The following FKBP5 variants were observed in gnomAD, a reference collection of about 807,000 sequenced individuals.
FKBP5 encodes peptidyl-prolyl cis-trans isomerase FKBP5.
In FKBP5, 23 loss-of-function variants were observed where a neutral mutation model predicts 50.5. The ratio of observed to expected loss-of-function variants is 0.46; its 90% CI spans 0.33 to 0.65. The LOEUF (loss-of-function observed/expected upper bound fraction) is 0.65, where lower values mean the gene tolerates loss of function less well. Ranked by LOEUF, FKBP5 falls within the 30% of genes least tolerant of loss-of-function variation. The pLI is 0.02. For synonymous variants in FKBP5, 176 were observed against 190.6 expected (o/e 0.92, Z 0.63); for missense variants, 411 against 553.1 (o/e 0.74, Z 2.58).
At chr6:35,670,918 TA>T (rs1304893299) in intron 1 of FKBP5, among the ~76,000 whole-genome samples, 1 of 152,126 alleles carries the variant, frequency 6.6e-6, no homozygotes, top group Admixed American at 6.6e-5. Context: ...ATATCTCATA[TA>T]TGGTAATACC....
chr6:35,605,383 C>CTTT (rs1158530509), intron 5 of FKBP5, among the ~76,000 whole-genome samples: 2,034 of 52,304 alleles, frequency 0.039, 477 homozygotes, highest in African/African-American at 0.051. Context: ...ATGACAATAT[C>CTTT]TTTTTTTTTT....
intron 3 of FKBP5, among the ~76,000 whole-genome samples, chr6:35,620,882 TATC>T (rs1323362397): frequency 6.6e-6 from 1 of 152,190 alleles, no homozygotes; most frequent in Non-Finnish European, 1.5e-5. Context: ...TTGCCTAATT[TATC>T]ATTTCAACTA....
Position 35,575,895 on chromosome 6 carries a change from A to C in FKBP5, c.1314T>G (p.Thr438=), listed in dbSNP as rs1297503008. The change falls in exon 11 of 11, where the codon ACT becomes ACG. Residue 438 remains threonine, a synonymous_variant. Coordinates refer to ENST00000357266, the MANE Select transcript of FKBP5 (RefSeq NM_004117.4). The part of the protein sequence containing the change: ...AMGKKTSEGV[T]NEKGTDSQAM... ...CTTGACTGTCTGTTCCTTTTTCATT[A>C]GTGACCCCTTCTGAAGTCTTCTTGC... 3 of 1,613,878 alleles carry C rather than the reference A, an allele frequency of 1.9e-6. No homozygotes were observed. In the African/African-American group the frequency reaches 4.0e-5, roughly 22 times the overall value.
At chr6:35,631,797 AT>A (rs1764165793) in intron 3 of FKBP5, among the ~76,000 whole-genome samples, 1 of 152,004 alleles carries the variant, frequency 6.6e-6, no homozygotes. Context: ...TCTACTAAAA[AT>A]ACAAAAATTA....
chr6:35,667,492 A>T (rs1233960765), intron 1 of FKBP5, among the ~76,000 whole-genome samples: 3 of 152,244 alleles, frequency 2.0e-5, no homozygotes, highest in Non-Finnish European at 2.9e-5. Context: ...AAAATGATTA[A>T]CCCGTTTCCT....
chr6:35,725,579 C>T (rs1340465606), intron 1 of FKBP5, among the ~76,000 whole-genome samples: 1 of 152,118 alleles, frequency 6.6e-6, no homozygotes, highest in African/African-American at 2.4e-5. Context: ...CTTCCCACCC[C>T]CAGCAAGAGT....
At chr6:35,711,295 C>T (rs926761729) in intron 2 of FKBP5, among the ~76,000 whole-genome samples, 5 of 142,376 alleles carry the variant, frequency 3.5e-5, no homozygotes, top group African/African-American at 1.1e-4. Context: ...CCAGCCTGGG[C>T]GACAAAGTCC....
At position 35,575,797 on chromosome 6, in the gene FKBP5, G is replaced by T; in HGVS notation, c.*38C>A. The T allele has an allele frequency of 7.6e-7, 1 of 1,323,364 alleles. No homozygotes were observed. Among genetic ancestry groups the T allele is most frequent in the South Asian group, 1.2e-5 (1 of 85,158 alleles). The allele number at this position is 1,323,364 out of a possible 1,614,324, so 82.0% of individuals were successfully genotyped here. ...TTGGGGGAAAGCCCATTGAGGAGGG[G>T]CCGAGTTCACTGGGACTCTTCCCTC... On this transcript the variant is annotated 3_prime_UTR_variant, in exon 11 of 11. Transcript: ENST00000357266.
At chr6:35,703,214 C>T (rs577758492) in intron 2 of FKBP5, among the ~76,000 whole-genome samples, 1 of 151,830 alleles carries the variant, frequency 6.6e-6, no homozygotes, top group South Asian at 2.1e-4. Flanking sequence ...CATGCCACTG[C>T]ACTCCAGCCT....
intron 2 of FKBP5, among the ~76,000 whole-genome samples, chr6:35,714,411 C>T (rs1298676143): frequency 3.1e-5 from 4 of 129,476 alleles, no homozygotes; most frequent in Non-Finnish European, 6.4e-5. Flanking sequence ...GAGATGGAGA[C>T]ATTGCACTTC....
chr6:35,702,038 G>C (rs1015421789), intron 2 of FKBP5, among the ~76,000 whole-genome samples: 3 of 152,042 alleles, frequency 2.0e-5, no homozygotes, highest in African/African-American at 4.8e-5. Context: ...AGTAGAGATG[G>C]GGTTTCACCT....
intron 2 of FKBP5, among the ~76,000 whole-genome samples, chr6:35,705,238 A>T (rs200162079): frequency 5.8e-5 from 2 of 34,734 alleles, no homozygotes; most frequent in East Asian, 9.8e-4. Context: ...ATATATATAT[A>T]TATATATATA....
chr6:35,712,939 T>G (rs920320116), intron 2 of FKBP5, among the ~76,000 whole-genome samples: 2 of 151,442 alleles, frequency 1.3e-5, no homozygotes, highest in African/African-American at 4.9e-5. Flanking sequence ...AAGCCAGGTG[T>G]GGTGGTGGGT....
chr6:35,688,372 G>T lies in FKBP5; in HGVS notation c.-20+432C>A, dbSNP rs1765896180. On this transcript the variant is annotated intron_variant, in intron 1 of 10. Transcript: ENST00000357266. Reference sequence around the variant, plus strand: ...CCGCCCGCAGCGGTGCCGGCTGAGGGTCCGGCCGCCTGTCCGGGGAGAGCC... The same window carrying T: ...CCGCCCGCAGCGGTGCCGGCTGAGGTTCCGGCCGCCTGTCCGGGGAGAGCC... 2.0e-5 allele frequency among the ~76,000 whole-genome samples: 3 copies of T among 152,012 alleles called. No individual in the cohort carries two copies. The South Asian group carries it at 6.2e-4, about 31-fold the overall frequency.
intron 1 of FKBP5, among the ~76,000 whole-genome samples, chr6:35,720,856 T>C (rs1028635899): frequency 1.3e-5 from 2 of 152,220 alleles, no homozygotes; most frequent in African/African-American, 2.4e-5. Flanking sequence ...CTGACCCTGA[T>C]GTGGATGATC....
At chr6:35,658,151 T>G (rs1581859361) in intron 1 of FKBP5, among the ~76,000 whole-genome samples, 2 of 150,290 alleles carry the variant, frequency 1.3e-5, no homozygotes, top group African/African-American at 4.9e-5. Context: ...CCGAGGTGGG[T>G]GGATCACGAG....
At chr6:35,685,309 C>T (rs2151012705) in intron 1 of FKBP5, among the ~76,000 whole-genome samples, 1 of 152,244 alleles carries the variant, frequency 6.6e-6, no homozygotes, top group Non-Finnish European at 1.5e-5. Context: ...TTAAATTACA[C>T]TTAAGTGGTT....
At chr6:35,577,330 G>A (rs1290400964) in intron 9 of FKBP5, 97 bp from the exon 10 acceptor site, 2 of 1,160,320 alleles carry the variant, frequency 1.7e-6, no homozygotes, top group African/African-American at 1.5e-5. Context: ...TGGAAAAAGT[G>A]TATTTAAAAA....
chr6:35,700,685 C>T (rs1228009637), intron 2 of FKBP5, among the ~76,000 whole-genome samples: 3 of 152,146 alleles, frequency 2.0e-5, no homozygotes, highest in Non-Finnish European at 2.9e-5. Flanking sequence ...AGGCCAGGCA[C>T]GGTGGCTCAC....
Sources: allele counts gnomAD v4.1 joint callset (sites outside exome capture counted in the v4.1 genomes callset), GRCh38; gene constraint gnomAD v4.1.1; transcripts MANE v1.5; gene names NCBI Gene and HGNC (gene_info 2026-07-23, HGNC 2026-07-21).